ZNF573: variants seen among roughly 807,000 people sequenced by gnomAD.
ZNF573 encodes the protein zinc finger protein 573.
In ZNF573, 41 loss-of-function variants were observed where a neutral mutation model predicts 57.4. That is an observed-to-expected ratio of 0.71 (90% CI 0.56 to 0.93). The LOEUF (loss-of-function observed/expected upper bound fraction) is 0.93. Ranked by LOEUF, ZNF573 falls within the 40% of genes least tolerant of loss-of-function variation. The pLI is 0.00. For synonymous variants in ZNF573, 249 were observed against 261.0 expected (o/e 0.95, Z 0.44); for missense variants, 730 against 794.8 (o/e 0.92, Z 0.98).
At chr19:37,752,325 C>T (rs1055012069) in intron 4 of ZNF573, among the ~76,000 whole-genome samples, 1 of 151,952 alleles carries the variant, frequency 6.6e-6, no homozygotes, top group Admixed American at 6.6e-5. Context: ...AGAAGTAAAT[C>T]GTCATGAACT....
chr19:37,772,902 T>C (rs1200688308), intron 2 of ZNF573: 2 of 978,806 alleles, frequency 2.0e-6, no homozygotes, highest in Non-Finnish European at 2.4e-6. Flanking sequence ...CCCACAGTGC[T>C]GGGATTACAG....
rs1651330715 is a variant in ZNF573 at position 37,738,701 on chromosome 19, G to A, written c.1789C>T (p.Leu597Phe). ...GTATGAATTTTCTGATGTTGGGTAA[G>A]GTAGCCATACATTTTAAAGGCCTTT... The part of the protein sequence containing the change: ...CGKAFKMYGY[L>F]TQHQKIHTGG... The change falls in exon 5 of 5, where the codon CTT (leucine) becomes TTT (phenylalanine). Residue 597 changes from leucine to phenylalanine, a missense_variant. Coordinates refer to ENST00000536220, the MANE Select transcript of ZNF573 (RefSeq NM_001172690.2). 1 of 1,611,860 alleles carries A rather than the reference G, an allele frequency of 6.2e-7. No individual in the cohort carries two copies. Among genetic ancestry groups the A allele is most frequent in the Non-Finnish European group, 8.5e-7 (1 of 1,179,346 alleles).
At position 37,738,973 on chromosome 19, in the gene ZNF573, G is replaced by A. The variant is rs767443068; in HGVS notation, c.1517C>T (p.Thr506Ile). 1.2e-6 allele frequency: 2 copies of A among 1,613,874 alleles called. No individual in the cohort carries two copies. Among genetic ancestry groups the A allele is most frequent in the East Asian group, 2.2e-5 (1 of 44,852 alleles). The change falls in exon 5 of 5, where the codon ACC becomes ATC. Residue 506 changes from threonine (T) to isoleucine (I), a missense_variant. By Grantham distance (89) the Thr-to-Ile change is moderately conservative (BLOSUM62 -1). Coordinates refer to ENST00000536220, the MANE Select transcript of ZNF573 (RefSeq NM_001172690.2). Reference sequence around the variant, plus strand: ...ATTAAGATATCCATGCAAGCTAAAGGTCTTGCCACATTCCTTACATTTATA... The same window carrying A: ...ATTAAGATATCCATGCAAGCTAAAGATCTTGCCACATTCCTTACATTTATA... The part of the protein sequence containing the change: ...KPYKCKECGK[T>I]FSLHGYLNQH...
chr19:37,752,196 A>G (rs1011815236), intron 4 of ZNF573, among the ~76,000 whole-genome samples: 38 of 152,144 alleles, frequency 2.5e-4, no homozygotes, highest in African/African-American at 8.4e-4. Flanking sequence ...CTGGATATTC[A>G]CATGCAAAAG....
In ZNF573 at chr19:37,773,664, G is replaced by C; in HGVS notation, c.66C>G (p.Thr22=). ...GAAACAGAATTAATCAACTTACACA[G>C]GTCATGGTTTTAGAATTGTAAGACC... ...LIRSYNSKTM[T]CFQELVTFRD... is the part of the protein sequence containing the mutation. The change falls in exon 2 of 5, where the codon ACC becomes ACG. Residue 22 remains threonine, a synonymous_variant. Transcript: ENST00000536220. The C allele has an allele frequency of 9.8e-6, 15 of 1,534,944 alleles. No homozygotes were observed. The highest frequency in any genetic ancestry group is 1.3e-5 in the Non-Finnish European group (15 of 1,146,028).
chr19:37,739,318 C>A lies in ZNF573; in HGVS notation c.1172G>T (p.Cys391Phe). The part of the protein sequence containing the change: ...TGEKLFECKQ[C>F]GKTYTTGSKL... Reference sequence around the variant, plus strand: ...TGAACCAGTAGTATAGGTCTTCCCACATTGCTTGCATTCAAAAAGTTTCTC... The same window carrying A: ...TGAACCAGTAGTATAGGTCTTCCCAAATTGCTTGCATTCAAAAAGTTTCTC... The change falls in exon 5 of 5, where the codon TGT becomes TTT. Residue 391 changes from cysteine to phenylalanine, a missense_variant. Coordinates refer to ENST00000536220, the MANE Select transcript of ZNF573 (RefSeq NM_001172690.2). 1.2e-6 allele frequency: 2 copies of A among 1,614,042 alleles called. No individual in the cohort carries two copies. The highest frequency in any genetic ancestry group is 1.7e-6 in the Non-Finnish European group (2 of 1,180,012).
In ZNF573 at chr19:37,773,458, C is replaced by T. The variant is rs147509863; in HGVS notation, c.69+203G>A. On this transcript the variant is annotated intron_variant, in intron 2 of 4. Transcript: ENST00000536220. ...ACAATAAGCACATGAGTACTAAATA[C>T]ATTTGACAATAAATATAAAAGTGGA... Among the ~76,000 whole-genome samples, 1,057 of 152,292 alleles carry T rather than the reference C, an allele frequency of 6.9e-3. 16 individuals carry two copies. Among genetic ancestry groups the T allele is most frequent in the African/African-American group, 0.024 (1,014 of 41,560 alleles).
rs139679255 is a variant in ZNF573, at chr19:37,774,432, C to T, written c.-22-681G>A. On this transcript the variant is annotated intron_variant, in intron 1 of 4. Transcript: ENST00000536220. The stretch of plus-strand genomic sequence containing the variant: ...GTCAGATTACAGGCATGTGCTACCG[C>T]GCCTGGCCTCAAACTAGAACCTCTT... 2.3e-4 allele frequency among the ~76,000 whole-genome samples: 35 copies of T among 152,134 alleles called. No individual in the cohort carries two copies. In the East Asian group the frequency reaches 5.4e-3, roughly 24 times the overall value.
chr19:37,759,395 G>T (rs894912913), intron 4 of ZNF573, among the ~76,000 whole-genome samples: 1 of 151,844 alleles, frequency 6.6e-6, no homozygotes, highest in African/African-American at 2.4e-5. Context: ...TAGTTTTAAG[G>T]GTTTTTAAAA....
In ZNF573 at chr19:37,744,407, G is replaced by GA. The variant is rs959276580; in HGVS notation, c.296-4214dup. Reference sequence around the variant, plus strand: ...GCTGGCCCAGAAGTAGACAGAAGGGGAAAAAAAAAGAGGAGTCATCAGCAG... The same window carrying GA: ...GCTGGCCCAGAAGTAGACAGAAGGGGAAAAAAAAAAGAGGAGTCATCAGCAG... On this transcript the variant is annotated intron_variant, in intron 4 of 4. Transcript: ENST00000536220. 5.3e-5 allele frequency among the ~76,000 whole-genome samples: 8 copies of GA among 149,826 alleles called. No individual in the cohort carries two copies. In the South Asian group the frequency reaches 1.5e-3, roughly 28 times the overall value.
At chr19:37,769,962 A>G (rs1020383432) in intron 4 of ZNF573, 43 bp downstream of exon 4, 4 of 1,485,200 alleles carry the variant, frequency 2.7e-6, no homozygotes, top group Non-Finnish European at 2.8e-6. Flanking sequence ...CTCTTACCAC[A>G]TGGGCTGTGG....
At chr19:37,750,887 C>A (rs113032635) in intron 4 of ZNF573, among the ~76,000 whole-genome samples, 1 of 146,948 alleles carries the variant, frequency 6.8e-6, no homozygotes, top group Non-Finnish European at 1.5e-5. Context: ...ACAAGCTGAA[C>A]TAAAATTCAT....
At position 37,758,205 on chromosome 19, in the gene ZNF573, ATATATATAT is replaced by A. The variant is rs2045511919; in HGVS notation, c.295+11791_295+11799del. Reference sequence around the variant, plus strand: ...CCTAGAACTTAAAGTATAATAAAATATATATATATATATATATATATATATATATATATA... The same window carrying A: ...CCTAGAACTTAAAGTATAATAAAATAATATATATATATATATATATATATA... On this transcript the variant is annotated intron_variant, in intron 4 of 4. Coordinates refer to ENST00000536220, the MANE Select transcript of ZNF573 (RefSeq NM_001172690.2). Among the ~76,000 whole-genome samples the A allele has an allele frequency of 2.0e-3, 71 of 36,078 alleles. 7 individuals carry two copies. The highest frequency in any genetic ancestry group is 3.1e-3 in the African/African-American group (23 of 7,454). 23.7% of individuals were successfully genotyped at this position (36,078 alleles called of 152,430 possible). A position where few individuals can be genotyped will look rare whatever the true frequency, so the allele number is the denominator to read the frequency against.
intron 4 of ZNF573, among the ~76,000 whole-genome samples, chr19:37,743,046 C>T (rs1451785654): frequency 1.3e-5 from 2 of 152,078 alleles, no homozygotes; most frequent in African/African-American, 2.4e-5. Context: ...CATTTGGCTG[C>T]GGTGGCTCAT....
intron 4 of ZNF573, among the ~76,000 whole-genome samples, chr19:37,764,765 G>C (rs1036480938): frequency 6.7e-6 from 1 of 149,474 alleles, no homozygotes; most frequent in African/African-American, 2.5e-5. Flanking sequence ...CACCACGCCC[G>C]ACAAACTTTT....
At chr19:37,740,917 G>A (rs143048848) in intron 4 of ZNF573, among the ~76,000 whole-genome samples, 18 of 152,300 alleles carry the variant, frequency 1.2e-4, no homozygotes, top group African/African-American at 3.6e-4. Context: ...TAAATGCTAT[G>A]TGAATAGCTG....
rs767363986 is a variant in ZNF573, at chr19:37,748,429, T to G, written c.296-8235A>C. The stretch of plus-strand genomic sequence containing the variant: ...AAGTTAATTACCAGTGGTCTTTGTT[T>G]GGTTGGTGGAGAAAAGAAAACAAAC... On this transcript the variant is annotated intron_variant, in intron 4 of 4. Transcript: ENST00000536220. Among the ~76,000 whole-genome samples, 95 of 152,340 alleles carry G rather than the reference T, an allele frequency of 6.2e-4. 1 individual carries two copies. The highest frequency in any genetic ancestry group is 1.9e-3 in the African/African-American group (77 of 41,586).
At chr19:37,764,858 C>T (rs1308793148) in intron 4 of ZNF573, among the ~76,000 whole-genome samples, 1 of 151,704 alleles carries the variant, frequency 6.6e-6, no homozygotes, top group Non-Finnish European at 1.5e-5. Flanking sequence ...CTGCCTTGGC[C>T]TCCGAAAGTG....
chr19:37,761,814 T>C (rs896109733), intron 4 of ZNF573, among the ~76,000 whole-genome samples: 2 of 152,224 alleles, frequency 1.3e-5, no homozygotes, highest in African/African-American at 4.8e-5. Flanking sequence ...CCCTGTACCT[T>C]TGGATCTTCT....
Sources: gnomAD v4.1 joint callset for allele counts (sites outside exome capture counted in the v4.1 genomes callset) on GRCh38, gnomAD v4.1.1 for gene constraint, MANE v1.5 for transcripts, NCBI Gene and HGNC (gene_info 2026-07-23, HGNC 2026-07-21) for gene names.